The following FGD4 variants were observed in gnomAD, a reference collection of about 807,000 sequenced individuals.
FGD4 encodes the protein FYVE, RhoGEF and PH domain-containing protein 4.
Under a neutral mutation model 102.0 loss-of-function variants are expected in FGD4, and 42 were observed. The observed-to-expected ratio is 0.41, with a 90% CI of 0.32 to 0.53. The LOEUF is 0.53. Ranked by LOEUF, FGD4 falls within the 20% of genes least tolerant of loss-of-function variation. FGD4 has a pLI of 0.21. For missense variants in FGD4, 902 were observed against 1,078.2 expected (o/e 0.84, Z 2.29); for synonymous variants, 380 against 375.7 (o/e 1.01, Z -0.13).
chr12:32,432,149 T>A (rs985674093), intron 1 of FGD4, among the ~76,000 whole-genome samples: 2 of 148,178 alleles, frequency 1.3e-5, no homozygotes, highest in Non-Finnish European at 3.0e-5. Flanking sequence ...AAGCTCTGCC[T>A]CCTGGGTTCA....
At chr12:32,623,699 A>G (rs1173227089) in intron 11 of FGD4, among the ~76,000 whole-genome samples, 1 of 152,172 alleles carries the variant, frequency 6.6e-6, no homozygotes, top group Non-Finnish European at 1.5e-5. Flanking sequence ...GGATTTTTCA[A>G]ATGTGGTATG....
intron 3 of FGD4, 41 bp from the exon 4 acceptor site, chr12:32,581,919 A>G: frequency 6.2e-7 from 1 of 1,609,756 alleles, no homozygotes; most frequent in South Asian, 1.1e-5. Flanking sequence ...GAACTTTTCC[A>G]TACCAATGTT....
At chr12:32,598,133 A>G (rs952800145) in intron 4 of FGD4, among the ~76,000 whole-genome samples, 8 of 152,212 alleles carry the variant, frequency 5.3e-5, no homozygotes, top group African/African-American at 9.6e-5. Flanking sequence ...TAATAAATGT[A>G]TAGAACTGAT....
chr12:32,581,851 T>G (rs972247166), intron 3 of FGD4, 109 bp from the exon 4 acceptor site: 1 of 1,218,004 alleles, frequency 8.2e-7, no homozygotes, highest in Admixed American at 2.2e-5. Context: ...CCATCAGAGA[T>G]AGAAAAAAAA....
At chr12:32,499,793 A>C (rs1938050250) in intron 1 of FGD4, among the ~76,000 whole-genome samples, 1 of 152,196 alleles carries the variant, frequency 6.6e-6, no homozygotes. Flanking sequence ...AGGCAGGTGG[A>C]TCACTTGAGC....
chr12:32,462,315 C>T (rs1166954966), intron 1 of FGD4, among the ~76,000 whole-genome samples: 1 of 152,112 alleles, frequency 6.6e-6, no homozygotes, highest in Non-Finnish European at 1.5e-5. Context: ...TGCTACCAGG[C>T]CTGGCTAATT....
chr12:32,610,780 A>G lies in FGD4; in HGVS notation c.1548A>G (p.Ser516=). The stretch of plus-strand genomic sequence containing the variant: ...TTTTCTTTTTTTCCCATTTAGAATC[A>G]CTTGAAATTATATCTACAGCAGCAA... The part of the protein sequence containing the change: ...DSLDWNDAKK[S]LEIISTAASH... Residue 516 remains serine, a synonymous_variant, in exon 9 of 17, where the codon TCA becomes TCG. Transcript: ENST00000534526. 6.2e-7 allele frequency: 1 copy of G among 1,613,126 alleles called. No individual in the cohort carries two copies. The highest frequency in any genetic ancestry group is 8.5e-7 in the Non-Finnish European group (1 of 1,179,600).
intron 2 of FGD4, among the ~76,000 whole-genome samples, chr12:32,568,458 G>A (rs889326274): frequency 3.3e-5 from 5 of 152,136 alleles, no homozygotes; most frequent in Non-Finnish European, 5.9e-5. Context: ...CTTGTTCACC[G>A]CTTTTAATAC....
intron 1 of FGD4, among the ~76,000 whole-genome samples, chr12:32,549,082 G>T (rs985315877): frequency 3.3e-5 from 5 of 152,214 alleles, no homozygotes; most frequent in Admixed American, 6.5e-5. Flanking sequence ...TGGTGAAAAG[G>T]TTTTCCAGAC....
At chr12:32,416,477 T>C (rs1012114222) in intron 1 of FGD4, among the ~76,000 whole-genome samples, 5 of 152,194 alleles carry the variant, frequency 3.3e-5, no homozygotes, top group Non-Finnish European at 5.9e-5. Flanking sequence ...TGTTACGCTT[T>C]AATTTCTTTT....
At chr12:32,442,561 CTTTT>C (rs35994170) in intron 1 of FGD4, among the ~76,000 whole-genome samples, 2 of 107,120 alleles carry the variant, frequency 1.9e-5, no homozygotes, top group East Asian at 2.7e-4. Flanking sequence ...ATCTTTCATC[CTTTT>C]TTTTTTTTTT....
chr12:32,444,373 C>G (rs1300836442), intron 1 of FGD4, among the ~76,000 whole-genome samples: 2 of 152,050 alleles, frequency 1.3e-5, no homozygotes, highest in African/African-American at 4.8e-5. Context: ...AATGCAGTTC[C>G]ATGGAACTCT....
At chr12:32,568,397 A>G (rs777334902) in intron 2 of FGD4, among the ~76,000 whole-genome samples, 9 of 152,220 alleles carry the variant, frequency 5.9e-5, no homozygotes, top group Non-Finnish European at 8.8e-5. Context: ...CTTCATACCA[A>G]TCCTAATAGT....
At chr12:32,507,050 G>C (rs1938831869) in intron 1 of FGD4, among the ~76,000 whole-genome samples, 1 of 151,158 alleles carries the variant, frequency 6.6e-6, no homozygotes, top group African/African-American at 2.4e-5. Context: ...TTTAGCATTA[G>C]GTATATCTCC....
chr12:32,568,077 GT>G (rs113296219), intron 2 of FGD4, among the ~76,000 whole-genome samples: 38,493 of 152,022 alleles, frequency 0.25, 6,070 homozygotes, highest in African/African-American at 0.44. Context: ...TATGGTTTAC[GT>G]TTTTGTGTTT....
At chr12:32,472,934 G>A (rs1292941266) in intron 1 of FGD4, among the ~76,000 whole-genome samples, 10 of 149,938 alleles carry the variant, frequency 6.7e-5, no homozygotes, top group Non-Finnish European at 1.2e-4. Flanking sequence ...TATACCAATC[G>A]GCACTCTGTA....
intron 1 of FGD4, among the ~76,000 whole-genome samples, chr12:32,464,970 A>T: frequency 6.6e-6 from 1 of 152,120 alleles, no homozygotes; most frequent in East Asian, 1.9e-4. Context: ...TCTACCTACA[A>T]CTCCAGTTTG....
intron 1 of FGD4, among the ~76,000 whole-genome samples, chr12:32,510,982 C>T (rs1414542801): frequency 6.6e-6 from 1 of 152,138 alleles, no homozygotes; most frequent in African/African-American, 2.4e-5. Context: ...TCATCAGAGT[C>T]TGTGGGATTA....
At chr12:32,453,454 G>A (rs538972623) in intron 1 of FGD4, among the ~76,000 whole-genome samples, 2 of 151,504 alleles carry the variant, frequency 1.3e-5, no homozygotes, top group African/African-American at 4.8e-5. Context: ...GACTGGTGTC[G>A]AACTCCTGGC....
Sources: allele counts gnomAD v4.1 joint callset (sites outside exome capture counted in the v4.1 genomes callset), GRCh38; gene constraint gnomAD v4.1.1; transcripts MANE v1.5; gene names NCBI Gene and HGNC (gene_info 2026-07-23, HGNC 2026-07-21).